CDKL1: variants seen among roughly 807,000 people sequenced by gnomAD.
The protein encoded by CDKL1 is cyclin dependent kinase like 1.
Under a neutral mutation model 42.0 loss-of-function variants are expected in CDKL1, and 41 were observed. The observed-to-expected ratio is 0.98, with a 90% CI of 0.76 to 1.27. CDKL1 has a LOEUF of 1.27. Among genes scored for constraint, CDKL1 ranks in the 50% most tolerant of loss-of-function variants. The pLI is 0.00. For missense variants in CDKL1, 394 were observed against 428.4 expected, an observed-to-expected ratio of 0.92 and a Z score of 0.71; for synonymous variants, 153 against 158.6, an observed-to-expected ratio of 0.96 and a Z score of 0.26.
chr14:50,344,952 C>T, intron 4 of CDKL1, 34 bp downstream of exon 4: 1 of 1,564,738 alleles, frequency 6.4e-7, no homozygotes, highest in Non-Finnish European at 8.8e-7. Context: ...TAAGGGGAGC[C>T]TTGTTGCTTT....
Position 50,341,226 on chromosome 14 carries a change from G to A in CDKL1, c.461C>T (p.Pro154Leu), listed in dbSNP as rs149593906. 5.1e-5 allele frequency: 82 copies of A among 1,597,250 alleles called. No individual in the cohort carries two copies. The highest frequency in any genetic ancestry group is 6.8e-5 in the Admixed American group (4 of 58,704). ...DFGFARLLTGPSDYYTDYVAT... is the reference protein window; with the variant it reads ...DFGFARLLTGLSDYYTDYVAT... Reference sequence around the variant, plus strand: ...CACGTAGTCTGTATAGTAGTCACTCGGTCCAGCTAGCCAGTGATGGAACAT... The same window carrying A: ...CACGTAGTCTGTATAGTAGTCACTCAGTCCAGCTAGCCAGTGATGGAACAT... Residue 154 changes from proline (P) to leucine (L), a missense_variant, in exon 6 of 10, where the codon CCG becomes CTG. Pro to Leu is a moderately conservative substitution (Grantham distance 98, BLOSUM62 -3). Coordinates refer to ENST00000395834, the MANE Select transcript of CDKL1 (RefSeq NM_004196.7).
intron 2 of CDKL1, among the ~76,000 whole-genome samples, chr14:50,380,930 T>G (rs915089883): frequency 6.6e-6 from 1 of 151,946 alleles, no homozygotes; most frequent in Admixed American, 6.6e-5. Flanking sequence ...GCCTCCCAAA[T>G]AGCTGTGACT....
At chr14:50,336,248 G>C (rs1172629409) in intron 7 of CDKL1, 10 of 1,284,092 alleles carry the variant, frequency 7.8e-6, no homozygotes, top group Non-Finnish European at 5.1e-6. Context: ...AACCAGTGCA[G>C]CCCCCGCACT....
At chr14:50,374,949 C>A (rs1345220206) in intron 2 of CDKL1, among the ~76,000 whole-genome samples, 1 of 151,902 alleles carries the variant, frequency 6.6e-6, no homozygotes, top group Non-Finnish European at 1.5e-5. Flanking sequence ...GGTTGGAGGG[C>A]AAGAGGAGGG....
At chr14:50,364,078 A>G (rs1050454021) in intron 2 of CDKL1, 1 of 152,296 alleles carries the variant, frequency 6.6e-6, no homozygotes, top group East Asian at 1.9e-4. Context: ...GCACTGTGCC[A>G]GTAAAGGACA....
intron 7 of CDKL1, chr14:50,335,652 G>T: frequency 1.3e-6 from 2 of 1,509,912 alleles, no homozygotes; most frequent in South Asian, 2.5e-5. Context: ...CAGAGAGGCT[G>T]AGAAAATAAG....
At position 50,342,430 on chromosome 14, in the gene CDKL1, G is replaced by A. The variant is rs11570834; in HGVS notation, c.364-208C>T. ...CCAAATTCCTAAAAGGCCCAAAAGA[G>A]CCAAGAAGAGTGAAAGGAAAATGAA... On this transcript the variant is annotated intron_variant, in intron 4 of 9. Transcript: ENST00000395834. 0.011 allele frequency: 15,131 copies of A among 1,328,872 alleles called. 923 individuals are homozygous for A. In the African/African-American group the frequency reaches 0.16, roughly 14 times the overall value. The allele number at this position is 1,328,872 out of a possible 1,614,324, so 82.3% of individuals were successfully genotyped here.
At chr14:50,397,175 C>T (rs779370033), upstream of CDKL1, 4 of 1,366,590 alleles carry the variant, frequency 2.9e-6, no homozygotes, top group Non-Finnish European at 3.9e-6. Flanking sequence ...CTAGGAGCCC[C>T]TCCTGAGCGG....
intron 2 of CDKL1, among the ~76,000 whole-genome samples, chr14:50,375,881 C>G (rs1193627314): frequency 2.6e-5 from 4 of 152,054 alleles, no homozygotes; most frequent in Non-Finnish European, 5.9e-5. Flanking sequence ...TAACCCTGGT[C>G]TAATCATGAG....
chr14:50,338,860 G>C, intron 7 of CDKL1, 87 bp downstream of exon 7: 1 of 861,046 alleles, frequency 1.2e-6, no homozygotes, highest in Non-Finnish European at 2.0e-6. Flanking sequence ...CTCCAATGCA[G>C]GGTGAGCCAT....
intron 2 of CDKL1, chr14:50,362,102 C>T (rs1481896369): frequency 2.0e-5 from 5 of 252,250 alleles, no homozygotes; most frequent in Non-Finnish European, 4.0e-5. Context: ...TCTGGCCGGG[C>T]CTTAGGTGCC....
intron 2 of CDKL1, among the ~76,000 whole-genome samples, chr14:50,373,792 T>C (rs766691910): frequency 7.0e-4 from 107 of 152,304 alleles, no homozygotes; most frequent in Middle Eastern, 3.4e-3. Flanking sequence ...CTGGTGAGGA[T>C]ACTGAGCAAC....
At chr14:50,374,726 G>A (rs1006343674) in intron 2 of CDKL1, among the ~76,000 whole-genome samples, 3 of 152,102 alleles carry the variant, frequency 2.0e-5, no homozygotes, top group Non-Finnish European at 4.4e-5. Context: ...TACACAGGTT[G>A]GTATACACAC....
chr14:50,332,777 C>G, intron 8 of CDKL1: 1 of 934,576 alleles, frequency 1.1e-6, no homozygotes, highest in Non-Finnish European at 1.6e-6. Flanking sequence ...CTTGCATGTA[C>G]TTTGTAAAAA....
At chr14:50,356,009 G>T (rs1227422995) in intron 3 of CDKL1, among the ~76,000 whole-genome samples, 1 of 152,120 alleles carries the variant, frequency 6.6e-6, no homozygotes, top group Non-Finnish European at 1.5e-5. Flanking sequence ...TATGTAGAGG[G>T]TGGCATGCTC....
intron 2 of CDKL1, among the ~76,000 whole-genome samples, chr14:50,386,198 G>A (rs773503392): frequency 2.0e-5 from 3 of 152,122 alleles, no homozygotes; most frequent in African/African-American, 4.8e-5. Context: ...TTGGCAGGCT[G>A]AGGTGGGAGG....
intron 2 of CDKL1, among the ~76,000 whole-genome samples, chr14:50,368,981 C>G (rs61981900): frequency 0.24 from 35,780 of 151,314 alleles, 4,654 homozygotes; most frequent in African/African-American, 0.33. Flanking sequence ...ATTCTCATGC[C>G]TCAGCCTCCC....
chr14:50,386,307 G>A (rs981896247), intron 2 of CDKL1, among the ~76,000 whole-genome samples: 4 of 151,990 alleles, frequency 2.6e-5, no homozygotes, highest in East Asian at 1.9e-4. Flanking sequence ...TGGCTCACAC[G>A]CCTGTAATAC....
At chr14:50,394,079 G>A (rs1337764784) in intron 2 of CDKL1, among the ~76,000 whole-genome samples, 2 of 152,208 alleles carry the variant, frequency 1.3e-5, no homozygotes, top group Admixed American at 1.3e-4. Context: ...TTGATAAAGT[G>A]TAGTGAGAGA....
Sources: gnomAD v4.1 joint callset for allele counts (sites outside exome capture counted in the v4.1 genomes callset) on GRCh38, gnomAD v4.1.1 for gene constraint, MANE v1.5 for transcripts, NCBI Gene and HGNC (gene_info 2026-07-23, HGNC 2026-07-21) for gene names.